Variants in PAFAH1B1 observed in about 807,000 individuals in gnomAD.
The protein encoded by PAFAH1B1 is platelet activating factor acetylhydrolase 1b regulatory subunit 1, also known as platelet-activating factor acetylhydrolase IB subunit beta.
Under a neutral mutation model 57.5 loss-of-function variants are expected in PAFAH1B1, and 2 were observed. The observed-to-expected ratio is 0.03, with a 90% CI of 0.01 to 0.11. The LOEUF (loss-of-function observed/expected upper bound fraction) is 0.11, where lower values mean the gene tolerates loss of function less well. Among genes scored for constraint, PAFAH1B1 ranks in the 10% least tolerant of loss-of-function variants. The pLI is 1.00. For synonymous variants in PAFAH1B1, 152 were observed against 169.6 expected (o/e 0.90, Z 0.81); for missense variants, 257 against 512.0 (o/e 0.50, Z 4.81).
At chr17:2,639,024 C>T (rs1056277107) in intron 2 of PAFAH1B1, among the ~76,000 whole-genome samples, 6 of 152,164 alleles carry the variant, frequency 3.9e-5, no homozygotes, top group South Asian at 2.1e-4. Context: ...CTCAACCTCC[C>T]GAGTAGCTGA....
intron 1 of PAFAH1B1, among the ~76,000 whole-genome samples, chr17:2,618,323 TATTC>T (rs1348917751): frequency 1.3e-5 from 2 of 152,208 alleles, no homozygotes; most frequent in African/African-American, 4.8e-5. Flanking sequence ...TATCTTCAGT[TATTC>T]ATACAGAGCA....
intron 1 of PAFAH1B1, among the ~76,000 whole-genome samples, chr17:2,599,761 A>C (rs1324618143): frequency 6.6e-6 from 1 of 152,142 alleles, no homozygotes; most frequent in Non-Finnish European, 1.5e-5. Flanking sequence ...CAACTGGACA[A>C]ATTACCTATA....
At chr17:2,634,719 A>T (rs1239318853) in intron 1 of PAFAH1B1, among the ~76,000 whole-genome samples, 3 of 151,976 alleles carry the variant, frequency 2.0e-5, no homozygotes, top group Non-Finnish European at 2.9e-5. Context: ...GGGATAAATT[A>T]TAAAGACCTG....
chr17:2,630,886 C>T (rs796544856), intron 1 of PAFAH1B1, among the ~76,000 whole-genome samples: 267 of 152,190 alleles, frequency 1.8e-3, no homozygotes, highest in African/African-American at 5.8e-3. Context: ...ATTTAAATAT[C>T]TAGCCATAAA....
At chr17:2,671,068 C>T (rs1039082761) in intron 6 of PAFAH1B1, among the ~76,000 whole-genome samples, 5 of 152,196 alleles carry the variant, frequency 3.3e-5, no homozygotes, top group African/African-American at 1.2e-4. Context: ...GTACAAGGAA[C>T]ACGTTAACAC....
At chr17:2,625,395 C>A (rs917140843) in intron 1 of PAFAH1B1, among the ~76,000 whole-genome samples, 3 of 152,216 alleles carry the variant, frequency 2.0e-5, no homozygotes, top group East Asian at 3.9e-4. Context: ...GATTTGTGAA[C>A]CCCCTTAAAA....
intron 1 of PAFAH1B1, among the ~76,000 whole-genome samples, chr17:2,594,337 C>A (rs550609605): frequency 3.7e-3 from 558 of 152,350 alleles, no homozygotes; most frequent in Non-Finnish European, 6.5e-3. Context: ...GGATCGCCCT[C>A]CTCCCTCGGT....
In PAFAH1B1 at chr17:2,681,867, C is replaced by T. The variant is rs2069389846; in HGVS notation, c.*65C>T. The T allele has an allele frequency of 1.8e-6, 2 of 1,083,802 alleles. No homozygotes were observed. Among genetic ancestry groups the T allele is most frequent in the Non-Finnish European group, 1.4e-6 (1 of 729,090 alleles). The allele number at this position is 1,083,802 out of a possible 1,614,324, so 67.1% of individuals were successfully genotyped here. ...ATGCACTCTGATGATACCATGGTTA[C>T]CCCATTGAGCTCTGTTTAAATAAAT... On this transcript the variant is annotated 3_prime_UTR_variant, in exon 11 of 11. Coordinates refer to ENST00000397195, the MANE Select transcript of PAFAH1B1 (RefSeq NM_000430.4).
At chr17:2,678,075 G>A (rs2069300257) in intron 9 of PAFAH1B1, among the ~76,000 whole-genome samples, 1 of 151,696 alleles carries the variant, frequency 6.6e-6, no homozygotes, top group African/African-American at 2.4e-5. Context: ...TGGCCAACAT[G>A]GTGAAACCCC....
chr17:2,604,326 C>A (rs1317242660), intron 1 of PAFAH1B1, among the ~76,000 whole-genome samples: 1 of 152,118 alleles, frequency 6.6e-6, no homozygotes, highest in East Asian at 1.9e-4. Flanking sequence ...GTGTGAGCCA[C>A]CGCACCCTGC....
intron 2 of PAFAH1B1, among the ~76,000 whole-genome samples, chr17:2,648,002 A>AAAATAAAT (rs566292815): frequency 1.3e-5 from 2 of 151,920 alleles, no homozygotes; most frequent in Admixed American, 6.6e-5. Flanking sequence ...AGACTCTCTC[A>AAAATAAAT]AAATAAATAA....
At chr17:2,660,329 C>T (rs868681205) in intron 2 of PAFAH1B1, among the ~76,000 whole-genome samples, 1 of 151,856 alleles carries the variant, frequency 6.6e-6, no homozygotes, top group East Asian at 1.9e-4. Flanking sequence ...GTTTGCTGCA[C>T]CTATCAAGTC....
intron 9 of PAFAH1B1, among the ~76,000 whole-genome samples, chr17:2,678,372 A>C (rs958699435): frequency 3.4e-5 from 5 of 145,676 alleles, no homozygotes; most frequent in African/African-American, 1.3e-4. Context: ...ATTGTACTCC[A>C]GCCTGGGCAA....
intron 1 of PAFAH1B1, among the ~76,000 whole-genome samples, chr17:2,598,961 T>C (rs2068111976): frequency 6.6e-6 from 1 of 152,238 alleles, no homozygotes; most frequent in African/African-American, 2.4e-5. Context: ...TGAAATGCTT[T>C]ATATTCATTG....
chr17:2,595,435 T>TTTTTTTTTTC (rs1188566045), intron 1 of PAFAH1B1, among the ~76,000 whole-genome samples: 1 of 150,894 alleles, frequency 6.6e-6, no homozygotes, highest in African/African-American at 2.5e-5. Flanking sequence ...TTTTTTTTTT[T>TTTTTTTTTTC]TTGCTGCAGC....
intron 1 of PAFAH1B1, among the ~76,000 whole-genome samples, chr17:2,637,379 G>A (rs1055691972): frequency 2.0e-5 from 3 of 151,522 alleles, no homozygotes; most frequent in Non-Finnish European, 4.4e-5. Flanking sequence ...ATGAATACAG[G>A]AGTTTGAGAC....
chr17:2,630,069 T>C (rs1485712611), intron 1 of PAFAH1B1, among the ~76,000 whole-genome samples: 3 of 152,204 alleles, frequency 2.0e-5, no homozygotes, highest in Non-Finnish European at 4.4e-5. Context: ...GTGGAGTATT[T>C]AGTCCATTTC....
rs530135281 is a variant in PAFAH1B1 at position 2,663,475 on chromosome 17, C to T, written c.33-1897C>T. Among the ~76,000 whole-genome samples the T allele has an allele frequency of 1.4e-4, 22 of 152,172 alleles. No homozygotes were observed. The East Asian group carries it at 3.1e-3, about 21-fold the overall frequency. On this transcript the variant is annotated intron_variant, in intron 2 of 10. Transcript: ENST00000397195. Reference sequence around the variant, plus strand: ...CACTCACAGCTTGCTGCAACCTCAACCTGCCAGGCTCAAGCCATTCTCCCG... The same window carrying T: ...CACTCACAGCTTGCTGCAACCTCAATCTGCCAGGCTCAAGCCATTCTCCCG...
At chr17:2,634,597 G>A (rs1465422446) in intron 1 of PAFAH1B1, among the ~76,000 whole-genome samples, 3 of 151,766 alleles carry the variant, frequency 2.0e-5, no homozygotes, top group African/African-American at 4.8e-5. Flanking sequence ...GTAGACCTCT[G>A]TCATCTGTAA....
Sources: allele counts gnomAD v4.1 joint callset (sites outside exome capture counted in the v4.1 genomes callset), GRCh38; gene constraint gnomAD v4.1.1; transcripts MANE v1.5; gene names NCBI Gene and HGNC (gene_info 2026-07-23, HGNC 2026-07-21).